Variants in FGF12 observed in about 807,000 individuals in gnomAD.
FGF12 encodes fibroblast growth factor 12.
A neutral mutation model predicts 23.6 loss-of-function variants in FGF12; 14 were observed. The observed-to-expected ratio is 0.59, with a 90% CI of 0.39 to 0.93. FGF12 has a LOEUF of 0.93. Among genes scored for constraint, FGF12 ranks in the 40% least tolerant of loss-of-function variants. The pLI is 0.00. For synonymous variants in FGF12, 62 were observed against 77.3 expected, an observed-to-expected ratio of 0.80 and a Z score of 1.04; for missense variants, 175 against 217.8, an observed-to-expected ratio of 0.80 and a Z score of 1.24.
At chr3:192,463,112 T>C (rs1054130930) in intron 2 of FGF12, among the ~76,000 whole-genome samples, 1 of 152,102 alleles carries the variant, frequency 6.6e-6, no homozygotes, top group Non-Finnish European at 1.5e-5. Flanking sequence ...GTTGTTACTT[T>C]AGGGTGATAG....
At chr3:192,435,645 G>C (rs61521005) in intron 2 of FGF12, among the ~76,000 whole-genome samples, 3,528 of 152,122 alleles carry the variant, frequency 0.023, 105 homozygotes, top group African/African-American at 0.075. Context: ...AACTTCCTTA[G>C]GTCTTTCTCT....
At chr3:192,681,265 G>T (rs2108707511) in intron 2 of FGF12, among the ~76,000 whole-genome samples, 1 of 152,312 alleles carries the variant, frequency 6.6e-6, no homozygotes, top group African/African-American at 2.4e-5. Context: ...GACGATAAAA[G>T]GGGTGACATA....
At chr3:192,443,630 A>G (rs1722268833) in intron 2 of FGF12, among the ~76,000 whole-genome samples, 3 of 152,246 alleles carry the variant, frequency 2.0e-5, no homozygotes, top group Admixed American at 6.5e-5. Flanking sequence ...CATTTCGGTT[A>G]AGACCTGAGT....
At position 192,325,230 on chromosome 3, in the gene FGF12, T is replaced by C. The variant is rs184048731; in HGVS notation, c.228+10131A>G. On this transcript the variant is annotated intron_variant, in intron 4 of 5. Transcript: ENST00000445105. ...TTCCAGTTCATTTAATAAATATATA[T>C]GGGGTGAAAAAAGAAATAGGCAAAA... Among the ~76,000 whole-genome samples, 778 of 152,236 alleles carry C rather than the reference T, an allele frequency of 5.1e-3. 3 individuals are homozygous for C. The highest frequency in any genetic ancestry group is 8.8e-3 in the Non-Finnish European group (595 of 67,992).
chr3:192,712,459 T>C (rs1718722346), intron 2 of FGF12, among the ~76,000 whole-genome samples: 1 of 151,300 alleles, frequency 6.6e-6, no homozygotes, highest in Admixed American at 6.6e-5. Context: ...CTATCAATTT[T>C]CAAAACACTG....
chr3:192,169,587 C>T (rs1446938982), intron 5 of FGF12, among the ~76,000 whole-genome samples: 5 of 152,030 alleles, frequency 3.3e-5, no homozygotes, highest in Non-Finnish European at 5.9e-5. Context: ...ATTCAGGGGA[C>T]AGCAAGCTTG....
intron 2 of FGF12, among the ~76,000 whole-genome samples, chr3:192,368,321 A>G (rs1719076783): frequency 6.6e-6 from 1 of 152,232 alleles, no homozygotes; most frequent in African/African-American, 2.4e-5. Context: ...TAGTAGGAAG[A>G]TGGAAAATAA....
chr3:192,360,062 T>C lies in FGF12; in HGVS notation c.124+366A>G, dbSNP rs1032353110. On this transcript the variant is annotated intron_variant, in intron 3 of 5. Transcript: ENST00000445105. The surrounding 1 kb of genome is among the most constrained non-coding windows in gnomAD (Gnocchi z 4.3). ...ATATAGAACTTGTTCATTATTGAAC[T>C]ATAACTTGTTCATCACTTGGTTCCG... Among the ~76,000 whole-genome samples the C allele has an allele frequency of 2.6e-5, 4 of 152,166 alleles. No individual in the cohort carries two copies. Among genetic ancestry groups the C allele is most frequent in the Non-Finnish European group, 2.9e-5 (2 of 68,028 alleles).
At chr3:192,593,732 T>C (rs1337313628) in intron 2 of FGF12, among the ~76,000 whole-genome samples, 1 of 151,946 alleles carries the variant, frequency 6.6e-6, no homozygotes, top group Non-Finnish European at 1.5e-5. Flanking sequence ...CTTTTAAAAG[T>C]TCATTTTTCA....
At chr3:192,491,078 AATTATC>A (rs1377307675) in intron 2 of FGF12, among the ~76,000 whole-genome samples, 3 of 152,140 alleles carry the variant, frequency 2.0e-5, no homozygotes, top group Non-Finnish European at 4.4e-5. Flanking sequence ...CAGGCCAAAG[AATTATC>A]ATTAACATAA....
intron 2 of FGF12, among the ~76,000 whole-genome samples, chr3:192,618,803 G>A (rs866973349): frequency 8.6e-5 from 13 of 151,856 alleles, no homozygotes; most frequent in Admixed American, 3.9e-4. Flanking sequence ...TTTGCTCTTT[G>A]GGTGAGAACA....
At chr3:192,711,529 A>T (rs1053858266) in intron 2 of FGF12, among the ~76,000 whole-genome samples, 1 of 152,214 alleles carries the variant, frequency 6.6e-6, no homozygotes, top group Non-Finnish European at 1.5e-5. Flanking sequence ...GGGAAAAGAT[A>T]GAGAAATCAG....
At chr3:192,393,426 TCTAA>T (rs1453560270) in intron 2 of FGF12, among the ~76,000 whole-genome samples, 2 of 152,214 alleles carry the variant, frequency 1.3e-5, no homozygotes, top group Non-Finnish European at 2.9e-5. Flanking sequence ...TGAGGTGGCC[TCTAA>T]CTGACTGTTA....
chr3:192,372,711 C>T (rs1347418742), intron 2 of FGF12, among the ~76,000 whole-genome samples: 1 of 152,182 alleles, frequency 6.6e-6, no homozygotes. Context: ...CTCTTCCAAA[C>T]CACACTACAG....
chr3:192,599,775 T>C (rs961034778), intron 2 of FGF12, among the ~76,000 whole-genome samples: 5 of 151,980 alleles, frequency 3.3e-5, no homozygotes, highest in African/African-American at 1.2e-4. Flanking sequence ...AAAAAATAAA[T>C]AATAAAACAT....
At chr3:192,716,057 A>C (rs1196881202) in intron 2 of FGF12, among the ~76,000 whole-genome samples, 1 of 152,242 alleles carries the variant, frequency 6.6e-6, no homozygotes, top group African/African-American at 2.4e-5. Context: ...TTGAATTCCC[A>C]AGTGCAAGAG....
chr3:192,546,344 A>C (rs189839678), intron 2 of FGF12, among the ~76,000 whole-genome samples: 2 of 152,300 alleles, frequency 1.3e-5, no homozygotes, highest in Admixed American at 1.3e-4. Flanking sequence ...CTTTAGGTGC[A>C]AACCACAGTG....
intron 3 of FGF12, among the ~76,000 whole-genome samples, chr3:192,349,943 G>A (rs1407886034): frequency 1.3e-5 from 2 of 152,084 alleles, no homozygotes; most frequent in Non-Finnish European, 2.9e-5. Context: ...AGGTGCTGGA[G>A]ACATAGCAGT....
chr3:192,164,998 C>T (rs898005617), intron 5 of FGF12, among the ~76,000 whole-genome samples: 7 of 152,060 alleles, frequency 4.6e-5, no homozygotes, highest in Admixed American at 4.6e-4. Context: ...GTTGACCAGG[C>T]TGGAGTGTAG....
Sources: allele counts gnomAD v4.1 joint callset (sites outside exome capture counted in the v4.1 genomes callset), GRCh38; gene constraint gnomAD v4.1.1; non-coding constraint Gnocchi (gnomAD v3.1); transcripts MANE v1.5; gene names NCBI Gene and HGNC (gene_info 2026-07-23, HGNC 2026-07-21).